SYNJ1: variants seen among roughly 807,000 people sequenced by gnomAD.
SYNJ1 encodes the protein polyphosphatidylinositol phosphatase SYNJ1.
SYNJ1 carries 78 observed loss-of-function variants against 168.2 expected under a neutral mutation model. The ratio of observed to expected loss-of-function variants is 0.46; its 90% CI spans 0.39 to 0.56. The LOEUF (loss-of-function observed/expected upper bound fraction) is 0.56, where lower values mean the gene tolerates loss of function less well. Ranked by LOEUF, SYNJ1 falls within the 20% of genes least tolerant of loss-of-function variation. SYNJ1 has a pLI of 0.00. For synonymous variants in SYNJ1, 539 were observed against 548.6 expected, an observed-to-expected ratio of 0.98 and a Z score of 0.24; for missense variants, 1,303 against 1,597.6, an observed-to-expected ratio of 0.82 and a Z score of 3.14.
At chr21:32,716,743 A>T (rs2043036712) in intron 2 of SYNJ1, among the ~76,000 whole-genome samples, 1 of 152,090 alleles carries the variant, frequency 6.6e-6, no homozygotes, top group Non-Finnish European at 1.5e-5. Context: ...TTCCCTACCA[A>T]CTTCTTTCTG....
At chr21:32,632,845 C>A (rs1041383087) in intron 32 of SYNJ1, among the ~76,000 whole-genome samples, 1 of 151,944 alleles carries the variant, frequency 6.6e-6, no homozygotes, top group African/African-American at 2.4e-5. Context: ...CATAATGAAA[C>A]CTGTCTCTAC....
rs751083536 is a variant in SYNJ1 at position 32,727,954 on chromosome 21, C to G, written c.-31G>C. 4.8e-5 allele frequency: 73 copies of G among 1,533,748 alleles called. No individual in the cohort carries two copies. Among genetic ancestry groups the G allele is most frequent in the Middle Eastern group, 3.8e-4 (2 of 5,244 alleles). On this transcript the variant is annotated 5_prime_UTR_variant, in exon 1 of 33. Transcript: ENST00000674351. ...CCCGCCGGCTTGCTCACCTCTTCCT[C>G]CGGCTCCTCCTCCTCCTTCTCCCGC...
chr21:32,645,327 AAAATT>A (rs1449320647), intron 25 of SYNJ1, among the ~76,000 whole-genome samples: 1 of 152,314 alleles, frequency 6.6e-6, no homozygotes, highest in Non-Finnish European at 1.5e-5. Context: ...GATTTTGAAA[AAAATT>A]AAACCTAATT....
chr21:32,683,533 T>C (rs551833964), intron 10 of SYNJ1, among the ~76,000 whole-genome samples: 19 of 152,182 alleles, frequency 1.2e-4, no homozygotes, highest in Middle Eastern at 3.4e-3. Flanking sequence ...TCACTAACTA[T>C]GGCATTTTCA....
chr21:32,705,024 A>G (rs1255576577), intron 2 of SYNJ1, among the ~76,000 whole-genome samples: 3 of 151,696 alleles, frequency 2.0e-5, no homozygotes, highest in East Asian at 1.9e-4. Flanking sequence ...TGGCAGGCAC[A>G]TGTAGTCCCA....
intron 11 of SYNJ1, 66 bp from the exon 12 acceptor site, chr21:32,678,867 GT>G: frequency 6.4e-7 from 1 of 1,557,476 alleles, no homozygotes; most frequent in East Asian, 2.3e-5. Context: ...TACTCATTAG[GT>G]TTTTTGAAAT....
Position 32,665,947 on chromosome 21 carries a change from G to A in SYNJ1, c.2141C>T (p.Pro714Leu), listed in dbSNP as rs2040913097. The A allele has an allele frequency of 1.2e-6, 2 of 1,604,526 alleles. No individual in the cohort carries two copies. The highest frequency in any genetic ancestry group is 1.7e-6 in the Non-Finnish European group (2 of 1,175,056). Residue 714 changes from proline to leucine, a missense_variant, in exon 17 of 33, where the codon CCT becomes CTT. Physicochemically the swap from Pro to Leu is moderately conservative, Grantham distance 98. Around this residue, in one of 2 missense-constraint regions of SYNJ1, gnomAD observed 920 missense variants for 1,208.8 expected, o/e 0.76. Coordinates refer to ENST00000674351, the MANE Select transcript of SYNJ1 (RefSeq NM_203446.3). ...GAACAAGCAGCAAGAGCTTACCATA[G>A]GAAAACTCAATTTTCGTGCTATTTC... ...FIEIARKLSFPMGRMLFSHDY... is the reference protein window; with the variant it reads ...FIEIARKLSFLMGRMLFSHDY...
intron 2 of SYNJ1, among the ~76,000 whole-genome samples, chr21:32,720,923 T>C (rs901691520): frequency 2.0e-5 from 3 of 152,366 alleles, no homozygotes; most frequent in African/African-American, 4.8e-5. Context: ...CTGTAAAATA[T>C]TGAGATTGTG....
At chr21:32,702,857 A>T (rs2042457297) in intron 2 of SYNJ1, among the ~76,000 whole-genome samples, 1 of 152,186 alleles carries the variant, frequency 6.6e-6, no homozygotes, top group Admixed American at 6.5e-5. Context: ...TTTATCTACA[A>T]AATAGGATGT....
intron 2 of SYNJ1, among the ~76,000 whole-genome samples, chr21:32,719,026 C>A (rs1402334358): frequency 2.6e-5 from 4 of 152,194 alleles, no homozygotes; most frequent in Non-Finnish European, 5.9e-5. Flanking sequence ...AATGGTAGGA[C>A]TATGTCATTG....
At chr21:32,715,841 C>T (rs1423136493) in intron 2 of SYNJ1, among the ~76,000 whole-genome samples, 1 of 151,844 alleles carries the variant, frequency 6.6e-6, no homozygotes, top group East Asian at 1.9e-4. Context: ...CCAGGAATTT[C>T]AAGGGTCTAA....
At chr21:32,646,273 C>A in intron 24 of SYNJ1, 120 bp downstream of exon 24, 1 of 980,100 alleles carries the variant, frequency 1.0e-6, no homozygotes, top group East Asian at 2.4e-5. Context: ...TTTTCCTATT[C>A]TGTACCGGAG....
intron 2 of SYNJ1, among the ~76,000 whole-genome samples, chr21:32,725,889 G>A (rs1006748981): frequency 6.6e-6 from 1 of 151,952 alleles, no homozygotes; most frequent in Non-Finnish European, 1.5e-5. Flanking sequence ...TGCCCAAGCT[G>A]GAGCGCAGTG....
intron 2 of SYNJ1, among the ~76,000 whole-genome samples, chr21:32,716,571 G>T (rs1039609773): frequency 1.3e-5 from 2 of 152,098 alleles, no homozygotes; most frequent in African/African-American, 4.8e-5. Context: ...TCTTCCTTGG[G>T]CTACTTTTAA....
At chr21:32,680,703 C>A (rs1325073867) in intron 11 of SYNJ1, among the ~76,000 whole-genome samples, 1 of 151,990 alleles carries the variant, frequency 6.6e-6, no homozygotes, top group African/African-American at 2.4e-5. Flanking sequence ...GCAACCACCA[C>A]CTCCTGGGTT....
intron 14 of SYNJ1, 126 bp from the exon 15 acceptor site, chr21:32,670,498 T>C: frequency 1.4e-6 from 1 of 720,496 alleles, no homozygotes; most frequent in East Asian, 2.8e-5. Flanking sequence ...ACCAAATTCA[T>C]ATTAAAGGCA....
Position 32,700,092 on chromosome 21 carries a change from T to A in SYNJ1, c.225A>T (p.Leu75Phe). 3 of 1,607,730 alleles carry A rather than the reference T, an allele frequency of 1.9e-6. No homozygotes were observed. Among genetic ancestry groups the A allele is most frequent in the Non-Finnish European group, 2.6e-6 (3 of 1,176,184 alleles). Residue 75 changes from leucine (L) to phenylalanine (F), a missense_variant, in exon 4 of 33, where the codon TTA (leucine) becomes TTT (phenylalanine). Physicochemically the swap from Leu to Phe is conservative, Grantham distance 22 (BLOSUM62 0). Coordinates refer to ENST00000674351, the MANE Select transcript of SYNJ1 (RefSeq NM_203446.3). ...VLRLNLGDTMLHYLVLVTGCM... is the reference protein window; with the variant it reads ...VLRLNLGDTMFHYLVLVTGCM... ...ATCCAGTGACTAGGACCAGATAATG[T>A]AACATAGTATCACCTGCAAAACCCA...
chr21:32,710,637 G>A lies in SYNJ1; in HGVS notation c.125-8590C>T, dbSNP rs375830867. Among the ~76,000 whole-genome samples, 10 of 151,806 alleles carry A rather than the reference G, an allele frequency of 6.6e-5. No homozygotes were observed. In the South Asian group the frequency reaches 2.1e-3, roughly 32 times the overall value. ...ACCCCTGGGCTCAAGCGATTCTCCC[G>A]CCTCAACCTCCCAAAGTGCTGGGAT... is the stretch of plus-strand genomic sequence containing the variant. On this transcript the variant is annotated intron_variant, in intron 2 of 32. Transcript: ENST00000674351.
rs776889207 is a variant in SYNJ1, at chr21:32,641,963, C to T, written c.3521G>A (p.Arg1174His). ...PGTTRKDNIG[R>H]SQPSPQAGLA... ...TCCTGCTTGAGGTGAAGGCTGACTGCGTCCTGGAACAAAGACATCATATCA... is the reference window on the plus strand; with the variant it reads ...TCCTGCTTGAGGTGAAGGCTGACTGTGTCCTGGAACAAAGACATCATATCA... Residue 1174 changes from arginine (R) to histidine (H), a missense_variant, in exon 29 of 33, where the codon CGC becomes CAC. By Grantham distance (29) the Arg-to-His change is conservative. Around this residue, in one of 2 missense-constraint regions of SYNJ1, gnomAD observed 383 missense variants for 388.8 expected, o/e 0.99. Coordinates refer to ENST00000674351, the MANE Select transcript of SYNJ1 (RefSeq NM_203446.3). The T allele has an allele frequency of 1.9e-6, 3 of 1,613,706 alleles. No homozygotes were observed. The highest frequency in any genetic ancestry group is 2.2e-5 in the South Asian group (2 of 91,048).
Sources: gnomAD v4.1 joint callset for allele counts (sites outside exome capture counted in the v4.1 genomes callset) on GRCh38, gnomAD v4.1.1 for gene constraint, gnomAD v4.1.1 regional missense constraint, MANE v1.5 for transcripts, NCBI Gene and HGNC (gene_info 2026-07-23, HGNC 2026-07-21) for gene names.